RIPK4: variants seen among roughly 807,000 people sequenced by gnomAD.
RIPK4 encodes receptor-interacting serine/threonine-protein kinase 4.
In RIPK4, 17 loss-of-function variants were observed where a neutral mutation model predicts 42.9. That is an observed-to-expected ratio of 0.40 (90% CI 0.27 to 0.59). RIPK4 has a LOEUF of 0.59. RIPK4 is among the 20% of genes least tolerant of loss of function. The probability of loss-of-function intolerance (pLI) is 0.47; values close to 1 mark genes in which losing one functional copy is unlikely to be tolerated. For synonymous variants in RIPK4, 498 were observed against 499.1 expected (o/e 1.00, Z 0.03); for missense variants, 897 against 1,104.4 (o/e 0.81, Z 2.66).
In RIPK4 at chr21:41,739,945, A is replaced by C. The variant is rs564568134; in HGVS notation, c.*893T>G. The C allele has an allele frequency of 1.3e-5, 2 of 152,368 alleles. No homozygotes were observed. The highest frequency in any genetic ancestry group is 1.3e-4 in the Admixed American group (2 of 15,310). 9.4% of individuals were successfully genotyped at this position (152,368 alleles called of 1,614,324 possible). A position where few individuals can be genotyped will look rare whatever the true frequency, so the allele number is the denominator to read the frequency against. ...TCTTCATACTGCGTGTGGAGATAAA[A>C]AACACAGCTTCTCCTGCACCTCTTC... is the stretch of plus-strand genomic sequence containing the variant. On this transcript the variant is annotated 3_prime_UTR_variant, in exon 8 of 8. Coordinates refer to ENST00000332512, the MANE Select transcript of RIPK4 (RefSeq NM_020639.3).
rs2061157555 is a variant in RIPK4 at position 41,742,402 on chromosome 21, C to T, written c.1196-405G>A. ...AGCCTTGGCACCTGCCACCCACGGA[C>T]GCCCCAGGCCTAGCAGCCTGCAGAG... is the stretch of plus-strand genomic sequence containing the variant. On this transcript the variant is annotated intron_variant, in intron 7 of 7. Transcript: ENST00000332512. The surrounding 1 kb of genome is among the most constrained non-coding windows in gnomAD (Gnocchi z 5.1). Among the ~76,000 whole-genome samples the T allele has an allele frequency of 6.6e-6, 1 of 152,218 alleles. No individual in the cohort carries two copies. Among genetic ancestry groups the T allele is most frequent in the Non-Finnish European group, 1.5e-5 (1 of 68,026 alleles).
chr21:41,750,917 A>G (rs990757292), intron 3 of RIPK4, among the ~76,000 whole-genome samples, 180 bp downstream of exon 3: 1 of 152,118 alleles, frequency 6.6e-6, no homozygotes, highest in South Asian at 2.1e-4. Context: ...GGCTCAAGTA[A>G]TCCTCCTGCC....
Position 41,749,137 on chromosome 21 carries a change from A to G in RIPK4, c.673+17T>C. 1 of 1,613,278 alleles carries G rather than the reference A, an allele frequency of 6.2e-7. No homozygotes were observed. The highest frequency in any genetic ancestry group is 1.3e-5 in the African/African-American group (1 of 75,004). On this transcript the variant is annotated intron_variant, in intron 4 of 7. Coordinates refer to ENST00000332512, the MANE Select transcript of RIPK4 (RefSeq NM_020639.3). Reference sequence around the variant, plus strand: ...GGAAAGACAAGCACATTACACCTCAAAGACAGGTCCACTCACCTGCAAACG... The same window carrying G: ...GGAAAGACAAGCACATTACACCTCAGAGACAGGTCCACTCACCTGCAAACG...
intron 1 of RIPK4, among the ~76,000 whole-genome samples, chr21:41,764,377 T>C (rs1417552534): frequency 6.6e-6 from 1 of 152,084 alleles, no homozygotes; most frequent in Non-Finnish European, 1.5e-5. Flanking sequence ...TGGTGGCTCC[T>C]ATGTAACAAG....
In RIPK4 at chr21:41,740,902, T is replaced by C; in HGVS notation, c.2291A>G (p.Gln764Arg). The change falls in exon 8 of 8, where the codon CAG (glutamine) becomes CGG (arginine). Residue 764 changes from glutamine to arginine, a missense_variant. By Grantham distance (43) the Gln-to-Arg change is conservative (BLOSUM62 1). Transcript: ENST00000332512. The stretch of plus-strand genomic sequence containing the variant: ...ATGGCCGCCCTGGAACTTGAGGCTC[T>C]GCAGGTTGATGTGGGCCCCATGCCT... ...LLRHGAHINL[Q>R]SLKFQGGHGP... The C allele has an allele frequency of 1.9e-6, 3 of 1,612,476 alleles. No individual in the cohort carries two copies. The highest frequency in any genetic ancestry group is 2.5e-6 in the Non-Finnish European group (3 of 1,179,764).
At chr21:41,750,993 A>T in intron 3 of RIPK4, 104 bp downstream of exon 3, 1 of 1,439,036 alleles carries the variant, frequency 6.9e-7, no homozygotes, top group Non-Finnish European at 9.4e-7. Context: ...CCCATTTCTG[A>T]CTGGCAGCAA....
At position 41,756,743 on chromosome 21, in the gene RIPK4, C is replaced by T; in HGVS notation, c.256G>A (p.Gly86Ser). The T allele has an allele frequency of 6.8e-6, 11 of 1,614,242 alleles. No individual in the cohort carries two copies. The highest frequency in any genetic ancestry group is 8.5e-6 in the Non-Finnish European group (10 of 1,180,050). ...AGGCCGACAGGTTCGCGGCAGATGCCATACACAGGCAGGATGTAGCGAAAC... is the reference window on the plus strand; with the variant it reads ...AGGCCGACAGGTTCGCGGCAGATGCTATACACAGGCAGGATGTAGCGAAAC... Reference protein sequence around the residue: ...AKFRYILPVYGICREPVGLVM... With the variant: ...AKFRYILPVYSICREPVGLVM... The change falls in exon 2 of 8, where the codon GGC becomes AGC. Residue 86 changes from glycine to serine, a missense_variant. By Grantham distance (56) the Gly-to-Ser change is moderately conservative (BLOSUM62 0). Transcript: ENST00000332512.
chr21:41,747,608 G>A (rs570707498), intron 4 of RIPK4, among the ~76,000 whole-genome samples: 66 of 152,274 alleles, frequency 4.3e-4, no homozygotes, highest in African/African-American at 1.6e-3. Context: ...ATCACCCACG[G>A]CTGCCAGGAT....
intron 1 of RIPK4, among the ~76,000 whole-genome samples, chr21:41,765,699 G>T (rs920896553): frequency 2.6e-5 from 4 of 152,238 alleles, no homozygotes; most frequent in Non-Finnish European, 5.9e-5. Context: ...GGCAGCAAAG[G>T]CTAAATGGTA....
intron 6 of RIPK4, among the ~76,000 whole-genome samples, chr21:41,744,927 C>G (rs2061166111): frequency 6.6e-6 from 1 of 152,200 alleles, no homozygotes; most frequent in South Asian, 2.1e-4. Context: ...TAAGTGGAAT[C>G]TGACGGGATT....
At position 41,746,881 on chromosome 21, in the gene RIPK4, A is replaced by G. The variant is rs1188819086; in HGVS notation, c.674-110T>C. 7.1e-6 allele frequency: 9 copies of G among 1,271,620 alleles called. No homozygotes were observed. In the South Asian group the frequency reaches 1.3e-4, roughly 18 times the overall value. The allele number at this position is 1,271,620 out of a possible 1,614,324, so 78.8% of individuals were successfully genotyped here. A position where few individuals can be genotyped will look rare whatever the true frequency, so the allele number is the denominator to read the frequency against. On this transcript the variant is annotated intron_variant, in intron 4 of 7. Transcript: ENST00000332512. ...GGGGCCACAATGGGGCCATCCCCAC[A>G]CCACCCCAGGGAGACGGCTCCCCCA... is the stretch of plus-strand genomic sequence containing the variant.
At chr21:41,746,854 C>G (rs143840048) in intron 4 of RIPK4, 83 bp from the exon 5 acceptor site, 1 of 1,468,740 alleles carries the variant, frequency 6.8e-7, no homozygotes, top group South Asian at 1.3e-5. Context: ...ACACACTCGC[C>G]GGGGGCCACA....
At chr21:41,743,759 CAAAG>C in intron 7 of RIPK4, 119 bp downstream of exon 7, 1 of 1,282,314 alleles carries the variant, frequency 7.8e-7, no homozygotes, top group Middle Eastern at 2.1e-4. Context: ...AGAGAGAACA[CAAAG>C]AAGAATTCTT....
chr21:41,752,826 C>T (rs957673285), intron 2 of RIPK4, among the ~76,000 whole-genome samples: 11 of 151,934 alleles, frequency 7.2e-5, no homozygotes, highest in Admixed American at 5.2e-4. Flanking sequence ...CCTGTCGGTG[C>T]GTAGGGGAAG....
intron 7 of RIPK4, among the ~76,000 whole-genome samples, chr21:41,743,562 C>T (rs986089201): frequency 2.6e-4 from 39 of 152,130 alleles, no homozygotes; most frequent in African/African-American, 9.4e-4. Flanking sequence ...GAGTGGGGCT[C>T]GGCTACTCGC....
chr21:41,759,414 T>C (rs962340781), intron 1 of RIPK4, among the ~76,000 whole-genome samples: 1 of 152,114 alleles, frequency 6.6e-6, no homozygotes, highest in African/African-American at 2.4e-5. Flanking sequence ...AATAATATAA[T>C]AAGCTCCCTA....
At chr21:41,762,784 T>C (rs985274013) in intron 1 of RIPK4, among the ~76,000 whole-genome samples, 12 of 95,376 alleles carry the variant, frequency 1.3e-4, no homozygotes, top group Non-Finnish European at 2.5e-5. Flanking sequence ...GATTTATTAC[T>C]ATTATCATTT....
intron 1 of RIPK4, among the ~76,000 whole-genome samples, chr21:41,759,761 G>A (rs762486699): frequency 2.6e-5 from 4 of 152,198 alleles, no homozygotes; most frequent in African/African-American, 9.7e-5. Flanking sequence ...TGATCTGACC[G>A]CCCCTGCGAG....
intron 3 of RIPK4, among the ~76,000 whole-genome samples, chr21:41,749,503 A>G (rs1012052625): frequency 3.9e-5 from 6 of 152,214 alleles, no homozygotes; most frequent in African/African-American, 1.2e-4. Context: ...CTCCTGGGGA[A>G]CAGCGCCTGT....
Sources: allele counts gnomAD v4.1 joint callset (sites outside exome capture counted in the v4.1 genomes callset), GRCh38; gene constraint gnomAD v4.1.1; non-coding constraint Gnocchi (gnomAD v3.1); transcripts MANE v1.5; gene names NCBI Gene and HGNC (gene_info 2026-07-23, HGNC 2026-07-21).